NUP88: variants seen among roughly 807,000 people sequenced by gnomAD.
NUP88 encodes nuclear pore complex protein Nup88.
Under a neutral mutation model 93.9 loss-of-function variants are expected in NUP88, and 57 were observed. The ratio of observed to expected loss-of-function variants is 0.61; its 90% CI spans 0.49 to 0.76. The LOEUF is 0.76. NUP88 is among the 30% of genes least tolerant of loss of function. The pLI is 0.00. For missense variants in NUP88, 911 were observed against 901.0 expected (o/e 1.01, Z -0.14); for synonymous variants, 346 against 336.8 (o/e 1.03, Z -0.30).
intron 3 of NUP88, 44 bp from the exon 4 acceptor site, chr17:5,410,833 T>G: frequency 7.7e-7 from 1 of 1,299,654 alleles, no homozygotes; most frequent in South Asian, 1.2e-5. Context: ...AAATTCTGTT[T>G]TCATTTCCCA....
chr17:5,414,116 C>G lies in NUP88; in HGVS notation c.486G>C (p.Glu162Asp), dbSNP rs2151648108. 1.9e-6 allele frequency: 3 copies of G among 1,613,752 alleles called. No homozygotes were observed. The highest frequency in any genetic ancestry group is 2.5e-6 in the Non-Finnish European group (3 of 1,179,682). The change falls in exon 3 of 17, where the codon GAG (glutamate) becomes GAC (aspartate). Residue 162 changes from glutamate (E) to aspartate (D), a missense_variant. Physicochemically the swap from Glu to Asp is conservative, Grantham distance 45 (BLOSUM62 2). Coordinates refer to ENST00000573584, the MANE Select transcript of NUP88 (RefSeq NM_002532.6). The stretch of plus-strand genomic sequence containing the variant: ...GAGAGGTGGAACTGGTGAAAAATCT[C>G]TCCGCAACTGGAGTGGTACTAAAAT... ...TVNCSTTPVA[E>D]RFFTSSTSLT...
chr17:5,406,521 A>T (rs1020130401), intron 5 of NUP88, among the ~76,000 whole-genome samples: 2 of 152,200 alleles, frequency 1.3e-5, no homozygotes, highest in African/African-American at 4.8e-5. Context: ...TCACTTTACA[A>T]ATCAGTCTGG....
At chr17:5,399,504 A>G (rs368370594) in intron 8 of NUP88, 48 bp downstream of exon 8, 4 of 949,804 alleles carry the variant, frequency 4.2e-6, no homozygotes, top group Non-Finnish European at 6.6e-6. Context: ...TATTAAATCT[A>G]TTTTTCCTCT....
intron 2 of NUP88, among the ~76,000 whole-genome samples, chr17:5,415,595 G>C (rs1914090207): frequency 6.6e-6 from 1 of 152,164 alleles, no homozygotes; most frequent in African/African-American, 2.4e-5. Context: ...ACTTTACAAT[G>C]GGTTTACCAG....
In NUP88 at chr17:5,388,877, G is replaced by A. The variant is rs1209307861; in HGVS notation, c.1568C>T (p.Ala523Val). Residue 523 changes from alanine (A) to valine (V), a missense_variant, in exon 11 of 17, where the codon GCT becomes GTT. Ala to Val is a moderately conservative substitution (Grantham distance 64, BLOSUM62 0). Transcript: ENST00000573584. ...CTTTTCAAAGGAATCTGGGGTTTCA[G>A]CCAGAACACGGAGGGGAGACTCTGC... ...EVAESPLRVLAETPDSFEKHI... is the reference protein window; with the variant it reads ...EVAESPLRVLVETPDSFEKHI... The A allele has an allele frequency of 8.1e-6, 13 of 1,613,894 alleles. No individual in the cohort carries two copies. The highest frequency in any genetic ancestry group is 1.3e-5 in the African/African-American group (1 of 74,930).
rs1185687771 is a variant in NUP88 at position 5,404,216 on chromosome 17, G to A, written c.1075C>T (p.Leu359Phe). The A allele has an allele frequency of 6.2e-7, 1 of 1,613,788 alleles. No homozygotes were observed. The change falls in exon 7 of 17, where the codon CTC becomes TTC. Residue 359 changes from leucine (L) to phenylalanine (F), a missense_variant. Coordinates refer to ENST00000573584, the MANE Select transcript of NUP88 (RefSeq NM_002532.6). ...SEKSWDSRID[L>F]IPSLYVFECV... ...TCAAACACATACAGAGAAGGAATGA[G>A]GTCAATCCTGGAATCCCAGGACTTT...
At chr17:5,414,317 T>A (rs1914013956) in intron 2 of NUP88, among the ~76,000 whole-genome samples, 183 bp from the exon 3 acceptor site, 1 of 152,142 alleles carries the variant, frequency 6.6e-6, no homozygotes, top group African/African-American at 2.4e-5. Flanking sequence ...TGCCTCAGTC[T>A]TTCAAGTAGC....
In NUP88 at chr17:5,404,252, A is replaced by T; in HGVS notation, c.1045-6T>A. The T allele has an allele frequency of 6.2e-7, 1 of 1,609,834 alleles. No individual in the cohort carries two copies. The highest frequency in any genetic ancestry group is 8.5e-7 in the Non-Finnish European group (1 of 1,178,520). ...GAATCCCAGGACTTTTCTGACTGTAAAAAAAAGTGTTGTAATTTTGATCTT... is the reference window on the plus strand; with the variant it reads ...GAATCCCAGGACTTTTCTGACTGTATAAAAAAGTGTTGTAATTTTGATCTT... On this transcript the variant is annotated splice_region_variant and splice_polypyrimidine_tract_variant and intron_variant, in intron 6 of 16. Transcript: ENST00000573584.
intron 2 of NUP88, among the ~76,000 whole-genome samples, chr17:5,416,164 A>T (rs1257328458): frequency 0.14 from 10,371 of 75,524 alleles, 614 homozygotes; most frequent in East Asian, 0.47. Flanking sequence ...AAAAAAAAAA[A>T]AAGTATATAT....
chr17:5,386,641 T>C, intron 16 of NUP88, 67 bp downstream of exon 16: 1 of 1,064,174 alleles, frequency 9.4e-7, no homozygotes, highest in South Asian at 1.3e-5. Flanking sequence ...TTAAGACAGG[T>C]TGATTCTGGC....
At chr17:5,386,368 G>A in intron 16 of NUP88, 99 bp from the exon 17 acceptor site, 1 of 929,022 alleles carries the variant, frequency 1.1e-6, no homozygotes, top group East Asian at 2.5e-5. Context: ...TCTAAGAACT[G>A]CTTTGCTAAA....
chr17:5,404,376 G>A, intron 6 of NUP88, 130 bp from the exon 7 acceptor site: 1 of 801,242 alleles, frequency 1.2e-6, no homozygotes, highest in Non-Finnish European at 2.0e-6. Flanking sequence ...ACTTTGGGAG[G>A]CCGAGGCAGG....
At position 5,390,169 on chromosome 17, in the gene NUP88, A is replaced by AC. The variant is rs1410198662; in HGVS notation, c.1485-1210_1485-1209insG. On this transcript the variant is annotated intron_variant, in intron 10 of 16. Transcript: ENST00000573584. Reference sequence around the variant, plus strand: ...AACACAGCAAACTCCGTCTCAAAAAAAAAAAAAAAAAATATCCAGACAATT... The same window carrying AC: ...AACACAGCAAACTCCGTCTCAAAAAACAAAAAAAAAAAATATCCAGACAATT... 1.8e-4 allele frequency among the ~76,000 whole-genome samples: 27 copies of AC among 146,618 alleles called. 1 individual carries two copies. Among genetic ancestry groups the AC allele is most frequent in the Non-Finnish European group, 1.6e-4 (11 of 66,750 alleles).
intron 3 of NUP88, 28 bp from the exon 4 acceptor site, chr17:5,410,817 C>A: frequency 6.9e-7 from 1 of 1,459,232 alleles, no homozygotes; most frequent in Non-Finnish European, 9.5e-7. Flanking sequence ...AGAAAACCAG[C>A]ACTTAAAATT....
chr17:5,388,656 T>G, intron 11 of NUP88, 146 bp downstream of exon 11: 1 of 676,294 alleles, frequency 1.5e-6, no homozygotes, highest in South Asian at 2.6e-5. Context: ...TGCTCCCCAT[T>G]CACTAGCTGA....
At position 5,392,975 on chromosome 17, in the gene NUP88, C is replaced by T. The variant is rs570823199; in HGVS notation, c.1383-1313G>A. Among the ~76,000 whole-genome samples, 15 of 150,792 alleles carry T rather than the reference C, an allele frequency of 9.9e-5. No homozygotes were observed. In the South Asian group the frequency reaches 1.1e-3, roughly 11 times the overall value. On this transcript the variant is annotated intron_variant, in intron 9 of 16. Coordinates refer to ENST00000573584, the MANE Select transcript of NUP88 (RefSeq NM_002532.6). ...GGCTAATTTTTTTTTTTGTTTGAGACGGAGTCTCACTCTGTTGCCCAGGCT... is the reference window on the plus strand; with the variant it reads ...GGCTAATTTTTTTTTTTGTTTGAGATGGAGTCTCACTCTGTTGCCCAGGCT...
intron 1 of NUP88, among the ~76,000 whole-genome samples, chr17:5,418,999 G>A (rs529656567): frequency 3.9e-5 from 6 of 152,306 alleles, no homozygotes; most frequent in Non-Finnish European, 8.8e-5. Context: ...GCAAGAGAAA[G>A]TTACGATCTA....
At chr17:5,415,173 C>T (rs1421230410) in intron 2 of NUP88, among the ~76,000 whole-genome samples, 2 of 151,668 alleles carry the variant, frequency 1.3e-5, no homozygotes, top group East Asian at 2.0e-4. Context: ...GCGTGTGCCA[C>T]CACACCCCAC....
rs1256586112 is a variant in NUP88, at chr17:5,391,653, A to AGCAG, written c.1391_1392insCTGC (p.Pro465CysfsTer11). ...GTACAATCCAAAATCCTCGAATTGG[A>AGCAG]GCTGGCTGCCTGGAAAAACACAGTC... On this transcript the variant is annotated frameshift_variant, in exon 10 of 17. Transcript: ENST00000573584. LOFTEE classifies it high-confidence loss of function. 1 of 1,613,756 alleles carries AGCAG rather than the reference A, an allele frequency of 6.2e-7. No homozygotes were observed. The highest frequency in any genetic ancestry group is 1.1e-5 in the South Asian group (1 of 91,072).
Sources: gnomAD v4.1 joint callset for allele counts (sites outside exome capture counted in the v4.1 genomes callset) on GRCh38, gnomAD v4.1.1 for gene constraint, MANE v1.5 for transcripts, NCBI Gene and HGNC (gene_info 2026-07-23, HGNC 2026-07-21) for gene names.